PTPRG: variants seen among roughly 807,000 people sequenced by gnomAD.
PTPRG encodes the protein receptor-type tyrosine-protein phosphatase gamma.
A neutral mutation model predicts 165.3 loss-of-function variants in PTPRG; 102 were observed. The observed-to-expected ratio is 0.62, with a 90% CI of 0.53 to 0.73. The LOEUF (loss-of-function observed/expected upper bound fraction) is 0.73, where lower values mean the gene tolerates loss of function less well. PTPRG is among the 30% of genes least tolerant of loss of function. The pLI is 0.00. For missense variants in PTPRG, 1,866 were observed against 1,861.4 expected (o/e 1.00, Z -0.05); for synonymous variants, 675 against 669.5 (o/e 1.01, Z -0.13).
At chr3:62,056,974 T>G (rs1700655425) in intron 4 of PTPRG, among the ~76,000 whole-genome samples, 1 of 152,180 alleles carries the variant, frequency 6.6e-6, no homozygotes, top group Admixed American at 6.5e-5. Context: ...GCATGCTGTC[T>G]GCATAACTTG....
At chr3:61,915,222 C>CT (rs752309519) in intron 2 of PTPRG, among the ~76,000 whole-genome samples, 27 of 151,892 alleles carry the variant, frequency 1.8e-4, no homozygotes. Context: ...GAGTGAGACT[C>CT]TGTCTCAAAA....
At chr3:61,748,687 CTAATAT>C (rs2033306078) in intron 1 of PTPRG, among the ~76,000 whole-genome samples, 185 bp from the exon 2 acceptor site, 1 of 150,752 alleles carries the variant, frequency 6.6e-6, no homozygotes, top group East Asian at 2.0e-4. Context: ...TCAACGATTC[CTAATAT>C]TAATAATAAT....
intron 1 of PTPRG, among the ~76,000 whole-genome samples, chr3:61,703,161 T>C (rs1030286585): frequency 3.3e-5 from 5 of 152,142 alleles, no homozygotes; most frequent in African/African-American, 9.7e-5. Flanking sequence ...TTTTTTTTTT[T>C]TCCCCCTGTA....
intron 2 of PTPRG, among the ~76,000 whole-genome samples, chr3:61,823,300 C>G (rs565836446): frequency 3.9e-5 from 6 of 152,304 alleles, no homozygotes; most frequent in African/African-American, 1.4e-4. Context: ...AAGGGATTCT[C>G]CTGCCTCAGC....
At chr3:61,976,016 G>A (rs1291263542) in intron 2 of PTPRG, among the ~76,000 whole-genome samples, 2 of 152,116 alleles carry the variant, frequency 1.3e-5, no homozygotes, top group African/African-American at 2.4e-5. Context: ...TTGAAGAACC[G>A]TGTTCTAATA....
chr3:62,014,232 C>T (rs958540087), intron 4 of PTPRG, among the ~76,000 whole-genome samples: 4 of 152,134 alleles, frequency 2.6e-5, no homozygotes, highest in African/African-American at 7.2e-5. Context: ...ATTGCACCCC[C>T]CCTTTAATGG....
chr3:62,209,939 G>A (rs950999726), intron 12 of PTPRG, among the ~76,000 whole-genome samples: 7 of 152,276 alleles, frequency 4.6e-5, no homozygotes, highest in Middle Eastern at 3.4e-3. Context: ...ACTTCTGTCC[G>A]TGACTGATTT....
At chr3:61,570,967 T>A (rs1268814316) in intron 1 of PTPRG, among the ~76,000 whole-genome samples, 1 of 152,146 alleles carries the variant, frequency 6.6e-6, no homozygotes, top group Non-Finnish European at 1.5e-5. Flanking sequence ...GTTTCAGATA[T>A]ACATATCTCT....
Position 61,850,448 on chromosome 3 carries a change from G to A in PTPRG, c.190+101466G>A, listed in dbSNP as rs185662193. ...AGTGCTGGGATTACAGGCGTGAGCC[G>A]CTGTGCCCAATCCTTGTTCTTATAT... On this transcript the variant is annotated intron_variant, in intron 2 of 29. Coordinates refer to ENST00000474889, the MANE Select transcript of PTPRG (RefSeq NM_002841.4). 3.4e-3 allele frequency among the ~76,000 whole-genome samples: 522 copies of A among 152,208 alleles called. 8 individuals are homozygous for A. Among genetic ancestry groups the A allele is most frequent in the Admixed American group, 0.026 (398 of 15,282 alleles).
Position 61,812,798 on chromosome 3 carries a change from G to T in PTPRG, c.190+63816G>T, listed in dbSNP as rs1405985890. Among the ~76,000 whole-genome samples the T allele has an allele frequency of 7.9e-5, 12 of 152,226 alleles. 1 individual carries two copies. Among genetic ancestry groups the T allele is most frequent in the Admixed American group, 7.8e-4 (12 of 15,290 alleles). On this transcript the variant is annotated intron_variant, in intron 2 of 29. Coordinates refer to ENST00000474889, the MANE Select transcript of PTPRG (RefSeq NM_002841.4). ...TTCTCTGATGCAGTTAAGAGTGTGG[G>T]AAGTGATAGAGGGCATTGCGGCAGA...
chr3:61,760,851 G>C (rs1389311635), intron 2 of PTPRG, among the ~76,000 whole-genome samples: 1 of 152,116 alleles, frequency 6.6e-6, no homozygotes, highest in Non-Finnish European at 1.5e-5. Flanking sequence ...GCAGTGTTTG[G>C]TTTTCTGTTC....
chr3:61,803,817 A>G (rs1240623038), intron 2 of PTPRG, among the ~76,000 whole-genome samples: 1 of 152,196 alleles, frequency 6.6e-6, no homozygotes, highest in Non-Finnish European at 1.5e-5. Flanking sequence ...GTCTGTTAGA[A>G]TAATTACCAA....
intron 3 of PTPRG, among the ~76,000 whole-genome samples, chr3:61,994,816 TGGA>T (rs2040981267): frequency 6.6e-6 from 1 of 152,206 alleles, no homozygotes; most frequent in Non-Finnish European, 1.5e-5. Flanking sequence ...AGCTAAGTGT[TGGA>T]GGAGGATGTA....
chr3:62,054,791 A>G (rs1482155585), intron 4 of PTPRG, among the ~76,000 whole-genome samples: 1 of 152,244 alleles, frequency 6.6e-6, no homozygotes, highest in African/African-American at 2.4e-5. Context: ...GGAGTATGTG[A>G]CAGGGAATTC....
chr3:62,118,940 C>T (rs765823496), intron 5 of PTPRG, among the ~76,000 whole-genome samples: 31 of 152,350 alleles, frequency 2.0e-4, no homozygotes, highest in South Asian at 1.7e-3. Flanking sequence ...TCCTTAACGT[C>T]TTTTCCCTGC....
chr3:62,150,496 C>T (rs1324501000), intron 6 of PTPRG, among the ~76,000 whole-genome samples: 1 of 152,166 alleles, frequency 6.6e-6, no homozygotes, highest in Non-Finnish European at 1.5e-5. Context: ...AGATGATTTG[C>T]CTGCACATTG....
intron 1 of PTPRG, among the ~76,000 whole-genome samples, chr3:61,699,083 A>G (rs553833418): frequency 6.6e-6 from 1 of 152,100 alleles, no homozygotes; most frequent in Non-Finnish European, 1.5e-5. Flanking sequence ...TCACGAGTTA[A>G]TGGGTGCAGC....
intron 2 of PTPRG, among the ~76,000 whole-genome samples, chr3:61,960,730 GC>G (rs1444481472): frequency 1.3e-5 from 2 of 152,074 alleles, no homozygotes; most frequent in Non-Finnish European, 2.9e-5. Flanking sequence ...ATGGTTTTAG[GC>G]TGGTTGCTTT....
At chr3:61,904,626 A>T (rs958608247) in intron 2 of PTPRG, among the ~76,000 whole-genome samples, 2 of 152,168 alleles carry the variant, frequency 1.3e-5, no homozygotes, top group East Asian at 3.9e-4. Context: ...TAACTCTTAC[A>T]TAACAGCTGG....
Sources: allele counts gnomAD v4.1 joint callset (sites outside exome capture counted in the v4.1 genomes callset), GRCh38; gene constraint gnomAD v4.1.1; transcripts MANE v1.5; gene names NCBI Gene and HGNC (gene_info 2026-07-23, HGNC 2026-07-21).